The following ARHGAP24 variants were observed in gnomAD, a reference collection of about 807,000 sequenced individuals.
ARHGAP24 encodes rho GTPase-activating protein 24.
ARHGAP24 carries 50 observed loss-of-function variants against 76.4 expected under a neutral mutation model. The observed-to-expected ratio is 0.65, with a 90% CI of 0.52 to 0.83. The LOEUF is 0.83. ARHGAP24 is among the 40% of genes least tolerant of loss of function. The pLI, the probability that ARHGAP24 is intolerant of heterozygous loss-of-function variation, is 0.00. For synonymous variants in ARHGAP24, 345 were observed against 323.3 expected, an observed-to-expected ratio of 1.07 and a Z score of -0.72; for missense variants, 930 against 914.2, an observed-to-expected ratio of 1.02 and a Z score of -0.22.
chr4:85,973,174 T>G (rs1026939066), intron 6 of ARHGAP24, among the ~76,000 whole-genome samples: 2 of 152,238 alleles, frequency 1.3e-5, no homozygotes, highest in African/African-American at 2.4e-5. Flanking sequence ...TTCTGATTTC[T>G]TCAAATGTCT....
intron 3 of ARHGAP24, among the ~76,000 whole-genome samples, chr4:85,793,124 C>T (rs1231270918): frequency 6.6e-6 from 1 of 152,090 alleles, no homozygotes; most frequent in East Asian, 1.9e-4. Context: ...TGTTAAAGCA[C>T]ACACCATTCA....
At chr4:85,768,282 A>G (rs1351721575) in intron 3 of ARHGAP24, among the ~76,000 whole-genome samples, 1 of 152,260 alleles carries the variant, frequency 6.6e-6, no homozygotes, top group Non-Finnish European at 1.5e-5. Context: ...AAAGTCGTCC[A>G]CAAGTACCCA....
At chr4:85,481,133 C>T (rs1722800091) in intron 1 of ARHGAP24, among the ~76,000 whole-genome samples, 1 of 152,106 alleles carries the variant, frequency 6.6e-6, no homozygotes, top group African/African-American at 2.4e-5. Context: ...GATATTTTTA[C>T]ATACATTACT....
At chr4:85,957,942 C>G (rs1167906347) in intron 5 of ARHGAP24, among the ~76,000 whole-genome samples, 4 of 152,252 alleles carry the variant, frequency 2.6e-5, no homozygotes, top group African/African-American at 9.6e-5. Context: ...ATGAGCTTTG[C>G]TTTCCTTTCA....
At chr4:85,693,411 C>A (rs1431917526) in intron 2 of ARHGAP24, among the ~76,000 whole-genome samples, 2 of 152,200 alleles carry the variant, frequency 1.3e-5, no homozygotes, top group African/African-American at 4.8e-5. Context: ...CCTGCCAGCC[C>A]ACAGACCCCC....
rs370976274 is a variant in ARHGAP24 at position 85,611,594 on chromosome 4, AC to A, written c.180+40875del. On this transcript the variant is annotated intron_variant, in intron 2 of 9. Coordinates refer to ENST00000395184, the MANE Select transcript of ARHGAP24 (RefSeq NM_001025616.3). ...ATACTACAAAAATCACTAACTCTTT[AC>A]CTGCACTGTCCGACAGTAGTCCCTG... 3.7e-4 allele frequency among the ~76,000 whole-genome samples: 57 copies of A among 152,358 alleles called. No individual in the cohort carries two copies. The East Asian group carries it at 9.8e-3, about 26-fold the overall frequency.
At chr4:85,923,553 T>G in intron 3 of ARHGAP24, 95 bp from the exon 4 acceptor site, 1 of 1,553,394 alleles carries the variant, frequency 6.4e-7, no homozygotes. Flanking sequence ...GCGGGCTGTA[T>G]TAGGCACAGT....
At chr4:85,625,794 CT>C (rs2110008108) in intron 2 of ARHGAP24, among the ~76,000 whole-genome samples, 1 of 152,282 alleles carries the variant, frequency 6.6e-6, no homozygotes, top group African/African-American at 2.4e-5. Context: ...GTTAGCTCTT[CT>C]TATTAATTGA....
intron 1 of ARHGAP24, among the ~76,000 whole-genome samples, chr4:85,518,061 T>A (rs936549100): frequency 3.3e-5 from 5 of 152,106 alleles, no homozygotes; most frequent in Non-Finnish European, 7.4e-5. Flanking sequence ...CTAAGGCCAT[T>A]GAAGTTAGGA....
In ARHGAP24 at chr4:85,721,874, T is replaced by C; in HGVS notation, c.181-11T>C. On this transcript the variant is annotated splice_polypyrimidine_tract_variant and intron_variant, in intron 2 of 9. Transcript: ENST00000395184. ...TGATGATGTTGATGTTTTGGGTATT[T>C]GTTTTCACAGGGTACTATTTTTCTG... The C allele has an allele frequency of 6.2e-7, 1 of 1,611,370 alleles. No homozygotes were observed. Among genetic ancestry groups the C allele is most frequent in the Non-Finnish European group, 8.5e-7 (1 of 1,177,806 alleles).
chr4:85,507,069 A>G (rs1342784844), intron 1 of ARHGAP24, among the ~76,000 whole-genome samples: 5 of 152,244 alleles, frequency 3.3e-5, no homozygotes, highest in Admixed American at 3.3e-4. Context: ...AAAAGAAGCT[A>G]TATAGCAGAA....
At chr4:85,724,491 G>GTGTA (rs1263516320) in intron 3 of ARHGAP24, among the ~76,000 whole-genome samples, 2 of 10,710 alleles carry the variant, frequency 1.9e-4, no homozygotes, top group African/African-American at 2.4e-4. Flanking sequence ...TTCCATGTGT[G>GTGTA]TATATATATA....
chr4:85,648,556 G>T (rs1377462457), intron 2 of ARHGAP24, among the ~76,000 whole-genome samples: 1 of 152,018 alleles, frequency 6.6e-6, no homozygotes, highest in East Asian at 1.9e-4. Context: ...CAGCACCCAT[G>T]ACAGAACAGA....
chr4:85,572,304 G>A (rs968744984), intron 2 of ARHGAP24, among the ~76,000 whole-genome samples: 6 of 152,102 alleles, frequency 3.9e-5, no homozygotes, highest in African/African-American at 1.4e-4. Context: ...ATTTCGTTAC[G>A]GAGGAACACA....
At chr4:85,669,055 G>A (rs1004763519) in intron 2 of ARHGAP24, among the ~76,000 whole-genome samples, 3 of 151,924 alleles carry the variant, frequency 2.0e-5, no homozygotes, top group African/African-American at 4.8e-5. Flanking sequence ...AGTTGTTATC[G>A]CATTACTGAG....
At chr4:85,979,682 T>C (rs1039681898) in intron 8 of ARHGAP24, among the ~76,000 whole-genome samples, 2 of 152,218 alleles carry the variant, frequency 1.3e-5, no homozygotes, top group African/African-American at 4.8e-5. Context: ...AAAAATTTTC[T>C]TCTCATCTAC....
intron 2 of ARHGAP24, among the ~76,000 whole-genome samples, chr4:85,698,823 C>T (rs566644810): frequency 6.6e-6 from 1 of 152,224 alleles, no homozygotes; most frequent in Non-Finnish European, 1.5e-5. Flanking sequence ...AAGTTGTAAC[C>T]CCAATGCTGG....
At chr4:85,763,384 T>C (rs1726809843) in intron 3 of ARHGAP24, among the ~76,000 whole-genome samples, 1 of 152,144 alleles carries the variant, frequency 6.6e-6, no homozygotes, top group African/African-American at 2.4e-5. Context: ...TAAAACCTCT[T>C]AGTTTGGCAT....
At chr4:85,803,954 C>CTT (rs200225395) in intron 3 of ARHGAP24, among the ~76,000 whole-genome samples, 169 of 133,122 alleles carry the variant, frequency 1.3e-3, no homozygotes, top group Admixed American at 4.6e-3. Context: ...TTTTCTTTTT[C>CTT]TTTTTTTTTT....
Sources: gnomAD v4.1 joint callset for allele counts (sites outside exome capture counted in the v4.1 genomes callset) on GRCh38, gnomAD v4.1.1 for gene constraint, MANE v1.5 for transcripts, NCBI Gene and HGNC (gene_info 2026-07-23, HGNC 2026-07-21) for gene names.